The following LRRC69 variants were observed in gnomAD, a reference collection of about 807,000 sequenced individuals.
LRRC69 encodes leucine-rich repeat-containing protein 69.
LRRC69 carries 42 observed loss-of-function variants against 37.8 expected under a neutral mutation model. The observed-to-expected ratio is 1.11, with a 90% confidence interval of 0.87 to 1.44. LRRC69 has a LOEUF of 1.44. Ranked by LOEUF, LRRC69 falls within the 40% of genes most tolerant of loss-of-function variation. The pLI is 0.00. For synonymous variants in LRRC69, 141 were observed against 143.1 expected (o/e 0.99, Z 0.11); for missense variants, 357 against 401.9 (o/e 0.89, Z 0.96).
chr8:91,139,639 C>G (rs1230266639), intron 5 of LRRC69, among the ~76,000 whole-genome samples: 1 of 151,628 alleles, frequency 6.6e-6, no homozygotes, highest in Admixed American at 6.6e-5. Flanking sequence ...GCCTGGGCGA[C>G]AGAGTAAGAC....
At chr8:91,212,503 TATGAAAATAA>T (rs1433544145) in intron 7 of LRRC69, among the ~76,000 whole-genome samples, 5 of 152,220 alleles carry the variant, frequency 3.3e-5, no homozygotes, top group Non-Finnish European at 1.5e-5. Flanking sequence ...TCATTTACTT[TATGAAAATAA>T]ATGAAAATTT....
intron 7 of LRRC69, among the ~76,000 whole-genome samples, chr8:91,204,252 C>T (rs1054993192): frequency 2.6e-5 from 4 of 152,058 alleles, no homozygotes; most frequent in African/African-American, 9.7e-5. Context: ...CCTTACTAAG[C>T]AAGGCCTATG....
intron 5 of LRRC69, among the ~76,000 whole-genome samples, chr8:91,164,538 T>A (rs868172434): frequency 8.6e-5 from 13 of 151,724 alleles, no homozygotes; most frequent in African/African-American, 3.1e-4. Flanking sequence ...AGGTCACAGA[T>A]GCTTTCTGGA....
chr8:91,111,274 C>G (rs933207907), intron 1 of LRRC69, among the ~76,000 whole-genome samples: 2 of 152,054 alleles, frequency 1.3e-5, no homozygotes, highest in Admixed American at 6.6e-5. Flanking sequence ...GTGGCTCATG[C>G]CTGTAATCCC....
chr8:91,144,224 A>T (rs758853413), intron 5 of LRRC69, among the ~76,000 whole-genome samples: 1 of 151,976 alleles, frequency 6.6e-6, no homozygotes, highest in Non-Finnish European at 1.5e-5. Context: ...GATCACCTGA[A>T]TGGTTCTAAT....
chr8:91,209,779 T>G (rs925714807), intron 7 of LRRC69, among the ~76,000 whole-genome samples: 47 of 152,218 alleles, frequency 3.1e-4, no homozygotes, highest in African/African-American at 1.0e-3. Context: ...ACCTTATCTA[T>G]TCCATCATGT....
intron 7 of LRRC69, among the ~76,000 whole-genome samples, chr8:91,209,230 C>T (rs1809860281): frequency 6.6e-6 from 1 of 152,020 alleles, no homozygotes; most frequent in African/African-American, 2.4e-5. Flanking sequence ...AATTTGAGAC[C>T]AGCCTGACCA....
intron 7 of LRRC69, among the ~76,000 whole-genome samples, chr8:91,214,555 A>G (rs1001669460): frequency 2.0e-5 from 3 of 152,114 alleles, no homozygotes; most frequent in Admixed American, 2.0e-4. Context: ...TTAGATTCTA[A>G]TCTTGTCTCT....
At chr8:91,191,443 T>A (rs1314222140) in intron 6 of LRRC69, among the ~76,000 whole-genome samples, 2 of 152,214 alleles carry the variant, frequency 1.3e-5, no homozygotes, top group Non-Finnish European at 2.9e-5. Context: ...AATAAACTAA[T>A]TTAGTCCTCT....
At chr8:91,179,942 GC>G (rs1229584388) in intron 5 of LRRC69, among the ~76,000 whole-genome samples, 2 of 152,162 alleles carry the variant, frequency 1.3e-5, no homozygotes, top group Admixed American at 1.3e-4. Flanking sequence ...AGAATGTTAA[GC>G]TTTTGAAAGC....
At chr8:91,216,519 G>C (rs1335548109) in intron 7 of LRRC69, among the ~76,000 whole-genome samples, 1 of 152,090 alleles carries the variant, frequency 6.6e-6, no homozygotes, top group Non-Finnish European at 1.5e-5. Flanking sequence ...GTTTCTTAAA[G>C]AGGAGCTGAG....
intron 1 of LRRC69, chr8:91,118,212 A>C (rs1813548189): frequency 2.2e-6 from 1 of 455,400 alleles, no homozygotes. Context: ...GACTTGTAAA[A>C]TTTCCTTCTA....
At chr8:91,180,331 C>T (rs987140325) in intron 5 of LRRC69, among the ~76,000 whole-genome samples, 1 of 152,100 alleles carries the variant, frequency 6.6e-6, no homozygotes, top group African/African-American at 2.4e-5. Flanking sequence ...GCAGAAAACC[C>T]CAGATGCTTA....
At chr8:91,172,845 T>A (rs1809156734) in intron 5 of LRRC69, among the ~76,000 whole-genome samples, 1 of 152,058 alleles carries the variant, frequency 6.6e-6, no homozygotes, top group Non-Finnish European at 1.5e-5. Context: ...CTGAATGGTG[T>A]TGGCATTCAG....
At chr8:91,199,022 T>C (rs1408153581) in intron 6 of LRRC69, among the ~76,000 whole-genome samples, 1 of 152,178 alleles carries the variant, frequency 6.6e-6, no homozygotes, top group Non-Finnish European at 1.5e-5. Context: ...CCAGAAATCA[T>C]AAATGGAAAA....
At chr8:91,213,033 T>C (rs1265591948) in intron 7 of LRRC69, among the ~76,000 whole-genome samples, 1 of 152,152 alleles carries the variant, frequency 6.6e-6, no homozygotes, top group African/African-American at 2.4e-5. Flanking sequence ...TCTATAATTT[T>C]TTTTCTTCTA....
Position 91,208,770 on chromosome 8 carries a change from A to G in LRRC69, c.933+7978A>G, listed in dbSNP as rs936287189. ...GAGGTAGGAGCCATATGTTCTGCCA[A>G]TGTCCTGTTTCATGTGGGCATCCTC... On this transcript the variant is annotated intron_variant, in intron 7 of 7. Transcript: ENST00000448384. Among the ~76,000 whole-genome samples, 7 of 152,054 alleles carry G rather than the reference A, an allele frequency of 4.6e-5. No individual in the cohort carries two copies. In the East Asian group the frequency reaches 7.7e-4, roughly 17 times the overall value.
intron 5 of LRRC69, among the ~76,000 whole-genome samples, chr8:91,176,983 TTC>T (rs1809243386): frequency 6.6e-6 from 1 of 152,032 alleles, no homozygotes; most frequent in African/African-American, 2.4e-5. Flanking sequence ...TTATTATATG[TTC>T]TGTTTAATTT....
chr8:91,105,407 G>A (rs377268935), intron 1 of LRRC69, among the ~76,000 whole-genome samples: 2 of 152,030 alleles, frequency 1.3e-5, no homozygotes, highest in East Asian at 1.9e-4. Context: ...CAGATGGCCC[G>A]GTGCAGTGGC....
Sources: gnomAD v4.1 joint callset for allele counts (sites outside exome capture counted in the v4.1 genomes callset) on GRCh38, gnomAD v4.1.1 for gene constraint, MANE v1.5 for transcripts, NCBI Gene and HGNC (gene_info 2026-07-23, HGNC 2026-07-21) for gene names.